The following SELENOP variants were observed in gnomAD, a reference collection of about 807,000 sequenced individuals.
SELENOP encodes the protein selenoprotein P, also known as selenoprotein P, plasma, 1.
A neutral mutation model predicts 41.0 loss-of-function variants in SELENOP; 36 were observed. The observed-to-expected ratio is 0.88, with a 90% CI of 0.67 to 1.16. The LOEUF (loss-of-function observed/expected upper bound fraction) is 1.16, where lower values mean the gene tolerates loss of function less well. SELENOP is among the 50% of genes most tolerant of loss of function. SELENOP has a pLI of 0.00. For missense variants in SELENOP, 440 were observed against 454.2 expected, an observed-to-expected ratio of 0.97 and a Z score of 0.28; for synonymous variants, 144 against 150.8, an observed-to-expected ratio of 0.95 and a Z score of 0.33.
At chr5:42,809,680 GCT>G (rs1168737344) in intron 1 of SELENOP, 11 of 345,374 alleles carry the variant, frequency 3.2e-5, no homozygotes, top group Non-Finnish European at 4.1e-5. Context: ...ATTGATCTGG[GCT>G]TTAATGCACT....
At chr5:42,806,077 A>C (rs1256878455) in intron 3 of SELENOP, 2 of 152,238 alleles carry the variant, frequency 1.3e-5, no homozygotes, top group Non-Finnish European at 2.9e-5. Context: ...CAGGATTAAG[A>C]ACCCATAGAA....
chr5:42,806,847 C>A, intron 3 of SELENOP, 49 bp downstream of exon 3: 1 of 1,073,552 alleles, frequency 9.3e-7, no homozygotes, highest in South Asian at 1.5e-5. Flanking sequence ...TAAATAGATA[C>A]GAAACAGTTA....
chr5:42,806,985 C>T lies in SELENOP; in HGVS notation c.327G>A (p.Glu109=). 6.2e-7 allele frequency: 1 copy of T among 1,609,370 alleles called. No individual in the cohort carries two copies. Among genetic ancestry groups the T allele is most frequent in the East Asian group, 2.2e-5 (1 of 44,700 alleles). Reference sequence around the variant, plus strand: ...CTTCTTGTTGATAAACAGGAATATGCTCTGAAACCTTATTCTTAAGATGTG... The same window carrying T: ...CTTCTTGTTGATAAACAGGAATATGTTCTGAAACCTTATTCTTAAGATGTG... ...KYTHLKNKVS[E]HIPVYQQEEN... The change falls in exon 3 of 5, where the codon GAG becomes GAA. Residue 109 remains glutamate (E), a synonymous_variant. Transcript: ENST00000514985.
chr5:42,800,819 T>C lies in SELENOP; in HGVS notation c.1047A>G (p.Pro349=), dbSNP rs752732056. 3 of 1,614,250 alleles carry C rather than the reference T, an allele frequency of 1.9e-6. No individual in the cohort carries two copies. The highest frequency in any genetic ancestry group is 2.5e-6 in the Non-Finnish European group (3 of 1,180,048). ...ITESCQURLP[P]AAUQISQQLI... is the part of the protein sequence containing the mutation. Reference sequence around the variant, plus strand: ...GCTGCTGACTTATTTGTCAGGCAGCTGGAGGCAAACGTCACTGACAAGATT... The same window carrying C: ...GCTGCTGACTTATTTGTCAGGCAGCCGGAGGCAAACGTCACTGACAAGATT... Residue 349 remains proline (P), a synonymous_variant, in exon 5 of 5, where the codon CCA becomes CCG. Transcript: ENST00000514985.
At position 42,799,944 on chromosome 5, in the gene SELENOP, A is replaced by C; in HGVS notation, c.*776T>G. ...CGTACTGTATCCAATTCTGTACTGC[A>C]TTCTTGCTTAATAGTATTAACCATA... On this transcript the variant is annotated 3_prime_UTR_variant, in exon 5 of 5. Coordinates refer to ENST00000514985, the MANE Select transcript of SELENOP (RefSeq NM_005410.4). The C allele has an allele frequency of 2.6e-6, 2 of 759,508 alleles. No homozygotes were observed. Among genetic ancestry groups the C allele is most frequent in the Non-Finnish European group, 4.1e-6 (2 of 485,382 alleles). The allele number at this position is 759,508 out of a possible 1,614,324, so 47.0% of individuals were successfully genotyped here.
At position 42,801,131 on chromosome 5, in the gene SELENOP, GTGA is replaced by G. The variant is rs1471798319; in HGVS notation, c.732_734del (p.His247del). 6.2e-7 allele frequency: 1 copy of G among 1,614,142 alleles called. No homozygotes were observed. Among genetic ancestry groups the G allele is most frequent in the Non-Finnish European group, 8.5e-7 (1 of 1,180,020 alleles). On this transcript the variant is annotated inframe_deletion, in exon 5 of 5. Coordinates refer to ENST00000514985, the MANE Select transcript of SELENOP (RefSeq NM_005410.4). ...TATGCTGACCCTTGTGCTTATGGTGGTGATGAAGGCCTGGAGGAGCAGGATGAG... is the reference window on the plus strand; with the variant it reads ...TATGCTGACCCTTGTGCTTATGGTGGTGAAGGCCTGGAGGAGCAGGATGAG...
At chr5:42,804,447 A>C (rs1254476900) in intron 4 of SELENOP, among the ~76,000 whole-genome samples, 1 of 151,964 alleles carries the variant, frequency 6.6e-6, no homozygotes, top group African/African-American at 2.4e-5. Flanking sequence ...GGCGACAGAG[A>C]CAGACTCCGT....
At position 42,804,697 on chromosome 5, in the gene SELENOP, T is replaced by C. The variant is rs746823429; in HGVS notation, c.493A>G (p.Ile165Val). ...TFPYVEEAIKIAYCEKKCGNC... is the reference protein window; with the variant it reads ...TFPYVEEAIKVAYCEKKCGNC... ...CCACATTTCTTTTCACAGTAAGCAATCTTAATGGCTTCTTCTACATATGGG... is the reference window on the plus strand; with the variant it reads ...CCACATTTCTTTTCACAGTAAGCAACCTTAATGGCTTCTTCTACATATGGG... The change falls in exon 4 of 5, where the codon ATT becomes GTT. Residue 165 changes from isoleucine (I) to valine (V), a missense_variant. Transcript: ENST00000514985. The C allele has an allele frequency of 3.7e-6, 6 of 1,609,904 alleles. No individual in the cohort carries two copies. The East Asian group carries it at 1.3e-4, about 36-fold the overall frequency.
At position 42,801,508 on chromosome 5, in the gene SELENOP, T is replaced by C. The variant is rs1385327386; in HGVS notation, c.535-177A>G. ...TAGTCTCAACACCTAGACATTTTAT[T>C]AAAGGCTTAAAAAGAAAGCCAAACC... On this transcript the variant is annotated intron_variant, in intron 4 of 4. Coordinates refer to ENST00000514985, the MANE Select transcript of SELENOP (RefSeq NM_005410.4). 7 of 541,318 alleles carry C rather than the reference T, an allele frequency of 1.3e-5. No individual in the cohort carries two copies. The East Asian group carries it at 2.1e-4, about 16-fold the overall frequency. The allele number at this position is 541,318 out of a possible 1,614,324, so 33.5% of individuals were successfully genotyped here.
intron 4 of SELENOP, chr5:42,802,466 C>T (rs1466132910): frequency 6.6e-6 from 1 of 152,144 alleles, no homozygotes; most frequent in African/African-American, 2.4e-5. Context: ...TTGGTTATTT[C>T]TGAATTACTT....
At chr5:42,806,832 GTAAA>G in intron 3 of SELENOP, 60 bp downstream of exon 3, 6 of 887,718 alleles carry the variant, frequency 6.8e-6, no homozygotes, top group South Asian at 1.8e-5. Context: ...GTGATGGGAA[GTAAA>G]TAAATAGATA....
rs556120024 is a variant in SELENOP, at chr5:42,804,740, A to G, written c.450T>C (p.Pro150=). ...CATATGGGAAAGTTAGGAAGGAAAAAGGCAAACCAAGATGATATACAAGAC... is the reference window on the plus strand; with the variant it reads ...CATATGGGAAAGTTAGGAAGGAAAAGGGCAAACCAAGATGATATACAAGAC... The part of the protein sequence containing the change: ...CGRLVYHLGL[P]FSFLTFPYVE... The change falls in exon 4 of 5, where the codon CCT becomes CCC. Residue 150 remains proline (P), a synonymous_variant. Transcript: ENST00000514985. The G allele has an allele frequency of 3.1e-6, 5 of 1,609,590 alleles. No homozygotes were observed. The highest frequency in any genetic ancestry group is 4.2e-6 in the Non-Finnish European group (5 of 1,176,518).
At position 42,808,263 on chromosome 5, in the gene SELENOP, G is replaced by C. The variant is rs749874692; in HGVS notation, c.91C>G (p.Pro31Ala). Reference sequence around the variant, plus strand: ...TGATCTCTTATGCTCCAGGCTGGGGGTTGCTTACATAAGGAGCTTTGGTCC... The same window carrying C: ...TGATCTCTTATGCTCCAGGCTGGGGCTTGCTTACATAAGGAGCTTTGGTCC... ...SQDQSSLCKQPPAWSIRDQDP... is the reference protein window; with the variant it reads ...SQDQSSLCKQAPAWSIRDQDP... Residue 31 changes from proline to alanine, a missense_variant, in exon 2 of 5, where the codon CCC becomes GCC. Transcript: ENST00000514985. 3.8e-6 allele frequency: 6 copies of C among 1,570,798 alleles called. No individual in the cohort carries two copies. The Admixed American group carries it at 1.1e-4, about 29-fold the overall frequency.
In SELENOP at chr5:42,801,186, T is replaced by C; in HGVS notation, c.680A>G (p.Gln227Arg). 1 of 1,614,186 alleles carries C rather than the reference T, an allele frequency of 6.2e-7. No homozygotes were observed. Among genetic ancestry groups the C allele is most frequent in the East Asian group, 2.2e-5 (1 of 44,882 alleles). The change falls in exon 5 of 5, where the codon CAG (glutamine) becomes CGG (arginine). Residue 227 changes from glutamine to arginine, a missense_variant. By Grantham distance (43) the Gln-to-Arg change is conservative. Transcript: ENST00000514985. ...HLGSSELSEN[Q>R]QPGAPNAPTH... ...AGGAGCATTTGGTGCTCCTGGTTGC[T>C]GATTCTCTGAAAGCTCACTGCTGCC...
intron 4 of SELENOP, chr5:42,801,883 C>G (rs953562017): frequency 1.3e-5 from 2 of 152,764 alleles, no homozygotes; most frequent in Non-Finnish European, 2.9e-5. Context: ...TGCCACTGCA[C>G]TCCAGCCTGG....
intron 4 of SELENOP, 22 bp from the exon 5 acceptor site, chr5:42,801,353 C>G (rs1561282970): frequency 6.4e-7 from 1 of 1,553,984 alleles, no homozygotes; most frequent in Admixed American, 1.8e-5. Flanking sequence ...TTATAAATCA[C>G]TTTTTAACAA....
chr5:42,800,617 A>C lies in SELENOP; in HGVS notation c.*103T>G. 2 of 1,363,602 alleles carry C rather than the reference A, an allele frequency of 1.5e-6. No homozygotes were observed. The allele number at this position is 1,363,602 out of a possible 1,614,324, so 84.5% of individuals were successfully genotyped here. A position where few individuals can be genotyped will look rare whatever the true frequency, so the allele number is the denominator to read the frequency against. The stretch of plus-strand genomic sequence containing the variant: ...CAGTAGATTTCTCCATGTTTGCACA[A>C]ATCTAATTTCTATTTTTGGTTCACT... On this transcript the variant is annotated 3_prime_UTR_variant, in exon 5 of 5. Transcript: ENST00000514985.
chr5:42,808,271 C>T lies in SELENOP; in HGVS notation c.83G>A (p.Cys28Tyr). Reference sequence around the variant, plus strand: ...TATGCTCCAGGCTGGGGGTTGCTTACATAAGGAGCTTTGGTCCTGGCTCTC... The same window carrying T: ...TATGCTCCAGGCTGGGGGTTGCTTATATAAGGAGCTTTGGTCCTGGCTCTC... ...GTESQDQSSL[C>Y]KQPPAWSIRD... The change falls in exon 2 of 5, where the codon TGT (cysteine) becomes TAT (tyrosine). Residue 28 changes from cysteine (C) to tyrosine (Y), a missense_variant. Transcript: ENST00000514985. 2 of 1,570,160 alleles carry T rather than the reference C, an allele frequency of 1.3e-6. No homozygotes were observed. Among genetic ancestry groups the T allele is most frequent in the Middle Eastern group, 1.7e-4 (1 of 5,806 alleles).
At chr5:42,805,880 A>G (rs1001221319) in intron 3 of SELENOP, 28 of 152,200 alleles carry the variant, frequency 1.8e-4, no homozygotes, top group African/African-American at 6.3e-4. Context: ...ATTTCAAAAA[A>G]ATAAATGTGA....
Sources: allele counts gnomAD v4.1 joint callset (sites outside exome capture counted in the v4.1 genomes callset), GRCh38; gene constraint gnomAD v4.1.1; transcripts MANE v1.5; gene names NCBI Gene and HGNC (gene_info 2026-07-23, HGNC 2026-07-21).